The following DAB1 variants were observed in gnomAD, a reference collection of about 807,000 sequenced individuals.
DAB1 encodes disabled homolog 1.
A neutral mutation model predicts 64.6 loss-of-function variants in DAB1; 15 were observed. The ratio of observed to expected loss-of-function variants is 0.23; its 90% CI spans 0.16 to 0.36. The LOEUF (loss-of-function observed/expected upper bound fraction) is 0.36. Ranked by LOEUF, DAB1 falls within the 10% of genes least tolerant of loss-of-function variation. The probability of loss-of-function intolerance (pLI) is 1.00; values close to 1 mark genes in which losing one functional copy is unlikely to be tolerated. For missense variants in DAB1, 596 were observed against 706.7 expected, an observed-to-expected ratio of 0.84 and a Z score of 1.78; for synonymous variants, 235 against 251.9, an observed-to-expected ratio of 0.93 and a Z score of 0.64.
At chr1:58,074,580 A>G (rs1363991208) in intron 5 of DAB1, among the ~76,000 whole-genome samples, 19 of 123,132 alleles carry the variant, frequency 1.5e-4, no homozygotes, top group South Asian at 5.1e-4. Context: ...ATATATATAT[A>G]TATATATATA....
intron 7 of DAB1, among the ~76,000 whole-genome samples, chr1:57,600,060 G>A (rs1038613097): frequency 6.6e-6 from 1 of 152,114 alleles, no homozygotes; most frequent in Admixed American, 6.5e-5. Context: ...TCTCGAGGAA[G>A]TCCTGCCCCA....
At chr1:57,412,025 G>GGTA (rs1223125780) in intron 1 of DAB1, among the ~76,000 whole-genome samples, 1 of 152,048 alleles carries the variant, frequency 6.6e-6, no homozygotes, top group Non-Finnish European at 1.5e-5. Context: ...GTCCTACTTT[G>GGTA]GTAATTCTCA....
intron 6 of DAB1, among the ~76,000 whole-genome samples, chr1:57,716,895 C>T (rs999455111): frequency 1.3e-5 from 2 of 152,052 alleles, no homozygotes; most frequent in African/African-American, 4.8e-5. Context: ...CAAAAAGCAA[C>T]TAATCAGGTT....
At chr1:58,124,342 T>C (rs1233995007) in intron 5 of DAB1, among the ~76,000 whole-genome samples, 2 of 152,112 alleles carry the variant, frequency 1.3e-5, no homozygotes, top group East Asian at 1.9e-4. Context: ...TTTTACAATA[T>C]GTTATTTTCA....
upstream of DAB1, among the ~76,000 whole-genome samples, chr1:57,426,874 A>ATAT (rs57970737): frequency 1.1e-4 from 16 of 149,184 alleles, no homozygotes; most frequent in Admixed American, 8.7e-4. Context: ...ATATATATAT[A>ATAT]TTTTTTTGAG....
intron 7 of DAB1, among the ~76,000 whole-genome samples, chr1:57,588,660 G>A (rs1645407622): frequency 6.6e-6 from 1 of 152,166 alleles, no homozygotes; most frequent in African/African-American, 2.4e-5. Flanking sequence ...TCTTATTTAT[G>A]TAGCATTTAG....
chr1:57,907,461 G>C (rs997497753), intron 5 of DAB1, among the ~76,000 whole-genome samples: 2 of 152,212 alleles, frequency 1.3e-5, no homozygotes, highest in Admixed American at 1.3e-4. Flanking sequence ...AAGCACCCAA[G>C]TGCCTGGTGT....
intron 7 of DAB1, among the ~76,000 whole-genome samples, chr1:57,643,684 A>G (rs1451110634): frequency 6.6e-6 from 1 of 152,338 alleles, no homozygotes; most frequent in East Asian, 1.9e-4. Flanking sequence ...AATTTAGGTT[A>G]TTACTACTTC....
rs111661800 is a variant in DAB1 at position 57,746,064 on chromosome 1, C to T, written n.552-96399G>A. On this transcript the variant is annotated intron_variant and non_coding_transcript_variant, in intron 6 of 20. Transcript: ENST00000485760. ...TTTTAACTGTCTCATTATGTAAACA[C>T]TTTAGCGATCCTTTCCCCAATTGAT... 1.2e-3 allele frequency among the ~76,000 whole-genome samples: 187 copies of T among 152,242 alleles called. 2 individuals carry two copies. The highest frequency in any genetic ancestry group is 4.3e-3 in the African/African-American group (179 of 41,566).
chr1:57,956,327 T>C (rs1570071861), intron 5 of DAB1, among the ~76,000 whole-genome samples: 1 of 151,924 alleles, frequency 6.6e-6, no homozygotes, highest in Non-Finnish European at 1.5e-5. Context: ...GGCTAGAGGG[T>C]AAGAGGTAGG....
Position 57,904,834 on chromosome 1 carries a change from G to A in DAB1, n.388-20672C>T, listed in dbSNP as rs145874700. Among the ~76,000 whole-genome samples, 96 of 152,302 alleles carry A rather than the reference G, an allele frequency of 6.3e-4. 1 individual carries two copies. Among genetic ancestry groups the A allele is most frequent in the African/African-American group, 2.2e-3 (93 of 41,586 alleles). ...TGGGAGGAGTCAAGGGCTAGGAAATGTAGAGCCTTTAGCCATCGTAATCTG... is the reference window on the plus strand; with the variant it reads ...TGGGAGGAGTCAAGGGCTAGGAAATATAGAGCCTTTAGCCATCGTAATCTG... On this transcript the variant is annotated intron_variant and non_coding_transcript_variant, in intron 5 of 20. Transcript: ENST00000485760.
At chr1:58,335,394 C>A (rs954405885) in intron 4 of DAB1, among the ~76,000 whole-genome samples, 3 of 152,078 alleles carry the variant, frequency 2.0e-5, no homozygotes, top group African/African-American at 7.3e-5. Context: ...AAAAGTAAGC[C>A]CAGGAGAGTT....
intron 5 of DAB1, among the ~76,000 whole-genome samples, chr1:57,901,572 G>T (rs532649124): frequency 1.4e-4 from 21 of 152,042 alleles, no homozygotes; most frequent in Non-Finnish European, 2.8e-4. Flanking sequence ...CCACCCTGAT[G>T]ACCTGCTGCT....
chr1:57,574,441 A>G (rs1460507788), intron 7 of DAB1, among the ~76,000 whole-genome samples: 5 of 152,204 alleles, frequency 3.3e-5, no homozygotes, highest in Admixed American at 3.3e-4. Context: ...TGCTGTTCAT[A>G]TATCATCTCT....
At chr1:58,219,091 T>C (rs1455900344) in intron 4 of DAB1, among the ~76,000 whole-genome samples, 1 of 151,114 alleles carries the variant, frequency 6.6e-6, no homozygotes, top group Non-Finnish European at 1.5e-5. Flanking sequence ...CATAAGAACA[T>C]AGTGATATGA....
At position 57,274,524 on chromosome 1, in the gene DAB1, G is replaced by A. The variant is rs61767363; in HGVS notation, c.67+16440C>T. On this transcript the variant is annotated intron_variant, in intron 2 of 14. Transcript: ENST00000371236. ...ATCACAATAGTACCATATTGTTATT[G>A]GTTTTTTCATGCAGATTAACTGAAA... Among the ~76,000 whole-genome samples, 1,133 of 152,258 alleles carry A rather than the reference G, an allele frequency of 7.4e-3. 30 individuals are homozygous for A. In the East Asian group the frequency reaches 0.079, roughly 11 times the overall value.
rs1211608122 is a variant in DAB1 at position 58,471,477 on chromosome 1, AATACTGCCACCTAAAC to A, written n.257+34567_257+34582del. Among the ~76,000 whole-genome samples, 3 of 152,190 alleles carry A rather than the reference AATACTGCCACCTAAAC, an allele frequency of 2.0e-5. No individual in the cohort carries two copies. In the East Asian group the frequency reaches 5.8e-4, roughly 29 times the overall value. ...GACATTCATGATGTCTCGGGCAGGG[AATACTGCCACCTAAAC>A]AAAATGAAGGTTTGCAGAAAAAGAA... On this transcript the variant is annotated intron_variant and non_coding_transcript_variant, in intron 3 of 20. Transcript: ENST00000485760.
At chr1:58,220,991 ATTTTTTT>A (rs10714614) in intron 4 of DAB1, among the ~76,000 whole-genome samples, 4 of 122,146 alleles carry the variant, frequency 3.3e-5, no homozygotes, top group Admixed American at 1.6e-4. Flanking sequence ...TATGAGATTG[ATTTTTTT>A]TTTTTTTTTT....
intron 4 of DAB1, among the ~76,000 whole-genome samples, chr1:58,303,610 A>G (rs1301903904): frequency 1.3e-5 from 2 of 152,220 alleles, no homozygotes; most frequent in Non-Finnish European, 2.9e-5. Context: ...TGCATATGGA[A>G]TCCTATGTCA....
Sources: allele counts gnomAD v4.1 joint callset (sites outside exome capture counted in the v4.1 genomes callset), GRCh38; gene constraint gnomAD v4.1.1; transcripts MANE v1.5; gene names NCBI Gene and HGNC (gene_info 2026-07-23, HGNC 2026-07-21).